AKAP19: variants seen among roughly 807,000 people sequenced by gnomAD.
The protein encoded by AKAP19 is A-kinase anchoring protein 19.
the AKAP19 span, among the ~76,000 whole-genome samples, chr2:189,963,000 G>A: frequency 6.6e-6 from 1 of 151,988 alleles, no homozygotes; most frequent in East Asian, 1.9e-4. Context: ...CTCAAGCCCT[G>A]TTACTACTTT....
the AKAP19 span, among the ~76,000 whole-genome samples, chr2:189,915,190 C>A: frequency 6.6e-6 from 1 of 151,936 alleles, no homozygotes; most frequent in Admixed American, 6.6e-5. Flanking sequence ...TTTTAACTCC[C>A]TTTATGATTT....
the AKAP19 span, among the ~76,000 whole-genome samples, chr2:190,087,775 GT>G: frequency 6.6e-5 from 10 of 152,166 alleles, no homozygotes; most frequent in African/African-American, 2.2e-4. Context: ...GCTCTATAGT[GT>G]TCCCAATTGG....
At chr2:190,055,268 G>A in the AKAP19 span, among the ~76,000 whole-genome samples, 1 of 138,484 alleles carries the variant, frequency 7.2e-6, no homozygotes, top group African/African-American at 2.7e-5. Context: ...TCATAGGTGG[G>A]AATTGAACAA....
chr2:190,009,319 G>A, the AKAP19 span, among the ~76,000 whole-genome samples: 1 of 152,182 alleles, frequency 6.6e-6, no homozygotes, highest in Non-Finnish European at 1.5e-5. Context: ...AGAAAGTGTT[G>A]TTAGGGGCAT....
the AKAP19 span, among the ~76,000 whole-genome samples, chr2:189,963,199 C>CTTTTTTTTTTTTT: frequency 1.8e-4 from 24 of 136,854 alleles, no homozygotes; most frequent in African/African-American, 5.7e-4. Context: ...CTTCACTTCT[C>CTTTTTTTTTTTTT]TTTTTTTTTT....
the AKAP19 span, among the ~76,000 whole-genome samples, chr2:189,880,607 T>C: frequency 6.6e-6 from 1 of 152,260 alleles, no homozygotes; most frequent in Admixed American, 6.5e-5. Context: ...TCACGTAAGA[T>C]ACTGTGAGAT....
At chr2:190,100,277 A>C in the AKAP19 span, among the ~76,000 whole-genome samples, 1 of 152,192 alleles carries the variant, frequency 6.6e-6, no homozygotes, top group African/African-American at 2.4e-5. Flanking sequence ...GTGCCATGCC[A>C]AGATGGGGAG....
chr2:189,978,935 A>T, the AKAP19 span, among the ~76,000 whole-genome samples: 7 of 152,154 alleles, frequency 4.6e-5, no homozygotes, highest in Non-Finnish European at 8.8e-5. Context: ...GAAATCATAG[A>T]TGACACAAAT....
At chr2:190,172,751 A>AT in the AKAP19 span, among the ~76,000 whole-genome samples, 2 of 152,112 alleles carry the variant, frequency 1.3e-5, no homozygotes, top group Admixed American at 6.5e-5. Flanking sequence ...CAGTTACCTT[A>AT]TTTTTTCCAT....
the AKAP19 span, among the ~76,000 whole-genome samples, chr2:190,152,457 C>A: frequency 6.6e-6 from 1 of 152,182 alleles, no homozygotes; most frequent in African/African-American, 2.4e-5. Flanking sequence ...GCATTCAAGT[C>A]TTTCTCTGGA....
chr2:190,026,513 A>G, the AKAP19 span, among the ~76,000 whole-genome samples: 5 of 152,258 alleles, frequency 3.3e-5, no homozygotes, highest in Non-Finnish European at 7.3e-5. Flanking sequence ...TGTATTAACC[A>G]GAGCCCTGGA....
chr2:190,151,817 C>T, the AKAP19 span, among the ~76,000 whole-genome samples: 1 of 151,968 alleles, frequency 6.6e-6, no homozygotes, highest in Non-Finnish European at 1.5e-5. Context: ...GCCTGGCCAA[C>T]ATAGTGACAT....
chr2:189,911,179 T>G, the AKAP19 span, among the ~76,000 whole-genome samples: 1 of 152,140 alleles, frequency 6.6e-6, no homozygotes, highest in African/African-American at 2.4e-5. Context: ...ATCTTGGTTG[T>G]AAGAATTACG....
At chr2:190,097,389 G>C in the AKAP19 span, among the ~76,000 whole-genome samples, 4 of 152,280 alleles carry the variant, frequency 2.6e-5, no homozygotes, top group South Asian at 8.3e-4. Context: ...GATGGCAGCT[G>C]ACTGATCAGG....
At chr2:189,908,198 A>AT in the AKAP19 span, among the ~76,000 whole-genome samples, 81 of 77,100 alleles carry the variant, frequency 1.1e-3, no homozygotes, top group African/African-American at 2.7e-3. Context: ...ATTACTATAT[A>AT]CTTTTTTTTT....
chr2:190,038,337 G>A, the AKAP19 span, among the ~76,000 whole-genome samples: 12 of 152,090 alleles, frequency 7.9e-5, no homozygotes, highest in Non-Finnish European at 1.2e-4. Context: ...GATACCTGGT[G>A]GTTCTTAGAT....
chr2:190,182,141 T>C, the AKAP19 span, among the ~76,000 whole-genome samples: 1 of 152,216 alleles, frequency 6.6e-6, no homozygotes, highest in South Asian at 2.1e-4. Context: ...ACATTTTGAT[T>C]GAACACTTCA....
chr2:190,171,133 T>A, the AKAP19 span, among the ~76,000 whole-genome samples: 24 of 152,216 alleles, frequency 1.6e-4, 1 homozygote, highest in East Asian at 4.6e-3. Context: ...AAACAAGCAC[T>A]TTTCTCCTTT....
the AKAP19 span, among the ~76,000 whole-genome samples, chr2:190,114,655 A>G: frequency 4.6e-5 from 7 of 152,082 alleles, no homozygotes; most frequent in African/African-American, 2.4e-5. Flanking sequence ...ACGGGGTTTC[A>G]CCGTGTTAGC....
Sources: gnomAD v4.1 joint callset for allele counts (sites outside exome capture counted in the v4.1 genomes callset) on GRCh38, gnomAD v4.1.1 for gene constraint, MANE v1.5 for transcripts, NCBI Gene and HGNC (gene_info 2026-07-23, HGNC 2026-07-21) for gene names.